Variants in COMMD1 observed in about 807,000 individuals in gnomAD.
COMMD1 encodes the protein copper metabolism domain containing 1.
COMMD1 carries 10 observed loss-of-function variants against 17.2 expected under a neutral mutation model. The observed-to-expected ratio is 0.58, with a 90% CI of 0.36 to 0.99. The LOEUF (loss-of-function observed/expected upper bound fraction) is 0.99, where lower values mean the gene tolerates loss of function less well. Ranked by LOEUF, COMMD1 falls within the 50% of genes least tolerant of loss-of-function variation. The probability of loss-of-function intolerance (pLI) is 0.01; values close to 1 mark genes in which losing one functional copy is unlikely to be tolerated. For missense variants in COMMD1, 270 were observed against 231.8 expected (o/e 1.17, Z -1.07); for synonymous variants, 97 against 91.6 (o/e 1.06, Z -0.34).
intron 2 of COMMD1, among the ~76,000 whole-genome samples, chr2:62,005,601 C>G (rs569678261): frequency 6.6e-6 from 1 of 152,342 alleles, no homozygotes; most frequent in South Asian, 2.1e-4. Flanking sequence ...AAATGCTCAT[C>G]ATCACTGGCC....
chr2:61,972,466 C>T (rs751971943), intron 1 of COMMD1, among the ~76,000 whole-genome samples: 6 of 152,070 alleles, frequency 3.9e-5, no homozygotes, highest in Admixed American at 1.3e-4. Flanking sequence ...TAATGACTTC[C>T]TTCTAAGAAG....
chr2:62,111,337 A>G (rs905196739), intron 2 of COMMD1, among the ~76,000 whole-genome samples: 1 of 152,246 alleles, frequency 6.6e-6, no homozygotes, highest in Non-Finnish European at 1.5e-5. Flanking sequence ...TATGACAGGG[A>G]AGGCTTCAGA....
chr2:62,014,371 G>A (rs1377423869), intron 2 of COMMD1, among the ~76,000 whole-genome samples: 1 of 151,922 alleles, frequency 6.6e-6, no homozygotes, highest in Non-Finnish European at 1.5e-5. Flanking sequence ...TGAACTGCCT[G>A]TGTTTGTCTA....
intron 1 of COMMD1, among the ~76,000 whole-genome samples, chr2:61,965,495 A>G (rs181079741): frequency 6.6e-6 from 1 of 152,308 alleles, no homozygotes; most frequent in East Asian, 1.9e-4. Context: ...ACTAGACTGT[A>G]AGCACAGTAA....
intron 1 of COMMD1, among the ~76,000 whole-genome samples, chr2:61,942,894 C>T (rs892000836): frequency 6.6e-6 from 1 of 152,164 alleles, no homozygotes; most frequent in South Asian, 2.1e-4. Context: ...TGGCCAAAAA[C>T]ACATAACAGA....
intron 2 of COMMD1, among the ~76,000 whole-genome samples, chr2:62,057,964 A>G (rs2103932574): frequency 6.6e-6 from 1 of 152,178 alleles, no homozygotes; most frequent in East Asian, 1.9e-4. Flanking sequence ...TGCATGTGGC[A>G]TTTGAGCATG....
chr2:62,078,439 G>A (rs1274426344), intron 2 of COMMD1, among the ~76,000 whole-genome samples: 1 of 148,632 alleles, frequency 6.7e-6, no homozygotes, highest in Non-Finnish European at 1.5e-5. Context: ...TGTAATCCCA[G>A]CCACTCGGGA....
intron 1 of COMMD1, among the ~76,000 whole-genome samples, chr2:61,945,489 G>T (rs1479495231): frequency 6.6e-6 from 1 of 152,208 alleles, no homozygotes; most frequent in Non-Finnish European, 1.5e-5. Flanking sequence ...ACCAGTAGGC[G>T]ATTTGTCAAA....
intron 2 of COMMD1, among the ~76,000 whole-genome samples, chr2:62,032,732 CCT>C (rs1157078928): frequency 1.3e-5 from 2 of 151,980 alleles, no homozygotes; most frequent in African/African-American, 4.8e-5. Context: ...CTCCTTCTCT[CCT>C]CTCTCTCTTT....
intron 1 of COMMD1, among the ~76,000 whole-genome samples, chr2:61,959,200 G>A (rs182335780): frequency 6.8e-4 from 104 of 151,942 alleles, no homozygotes; most frequent in Non-Finnish European, 1.1e-3. Context: ...TTGTCTTTTC[G>A]TATCATTTGC....
intron 1 of COMMD1, among the ~76,000 whole-genome samples, chr2:61,896,872 G>A (rs1330039426): frequency 1.4e-5 from 2 of 144,810 alleles, no homozygotes; most frequent in African/African-American, 2.6e-5. Flanking sequence ...CGCCCAGGCT[G>A]GAGTGCAGTG....
chr2:62,102,084 TTATCA>T, intron 2 of COMMD1, among the ~76,000 whole-genome samples: 1 of 152,282 alleles, frequency 6.6e-6, no homozygotes, highest in African/African-American at 2.4e-5. Flanking sequence ...AAAGACACTC[TTATCA>T]TGAGATTCCA....
chr2:61,948,779 A>G (rs1234462923), intron 1 of COMMD1, among the ~76,000 whole-genome samples: 1 of 152,214 alleles, frequency 6.6e-6, no homozygotes, highest in Non-Finnish European at 1.5e-5. Context: ...GAGGATGTAG[A>G]CTAAATTCTG....
chr2:61,939,206 C>T (rs573162394), intron 1 of COMMD1, among the ~76,000 whole-genome samples: 10 of 151,514 alleles, frequency 6.6e-5, no homozygotes, highest in South Asian at 6.3e-4. Context: ...GTAATCCCAG[C>T]GCTTTGGGAG....
At chr2:61,898,516 T>C (rs946843306) in intron 1 of COMMD1, among the ~76,000 whole-genome samples, 10 of 151,722 alleles carry the variant, frequency 6.6e-5, no homozygotes, top group Non-Finnish European at 1.5e-4. Context: ...GAGCGAAGGG[T>C]GAATGTTAAT....
intron 2 of COMMD1, among the ~76,000 whole-genome samples, chr2:62,105,445 G>A (rs952487262): frequency 6.6e-6 from 1 of 151,628 alleles, no homozygotes; most frequent in Non-Finnish European, 1.5e-5. Flanking sequence ...TAATATGTAA[G>A]TTCTTAGAAA....
chr2:62,054,366 G>A (rs2103924559), intron 2 of COMMD1, among the ~76,000 whole-genome samples: 1 of 152,238 alleles, frequency 6.6e-6, no homozygotes, highest in South Asian at 2.1e-4. Flanking sequence ...CAGAAAAGAA[G>A]TCAGCATATA....
chr2:62,078,039 G>A (rs1012891085), intron 2 of COMMD1, among the ~76,000 whole-genome samples: 1 of 151,996 alleles, frequency 6.6e-6, no homozygotes, highest in African/African-American at 2.4e-5. Flanking sequence ...ACTTTGGGAG[G>A]CCGAAGCAGG....
intron 1 of COMMD1, among the ~76,000 whole-genome samples, chr2:61,999,787 A>G (rs1301533393): frequency 6.6e-6 from 1 of 152,120 alleles, no homozygotes; most frequent in African/African-American, 2.4e-5. Flanking sequence ...CTGGATATTT[A>G]AAAATTATAT....
Sources: allele counts gnomAD v4.1 joint callset (sites outside exome capture counted in the v4.1 genomes callset), GRCh38; gene constraint gnomAD v4.1.1; transcripts MANE v1.5; gene names NCBI Gene and HGNC (gene_info 2026-07-23, HGNC 2026-07-21).